ATM: variants seen among roughly 807,000 people sequenced by gnomAD.
ATM encodes the protein serine-protein kinase ATM.
A neutral mutation model predicts 387.0 loss-of-function variants in ATM; 308 were observed. The observed-to-expected ratio is 0.80, with a 90% confidence interval of 0.73 to 0.87. ATM has a LOEUF of 0.87. ATM is among the 40% of genes least tolerant of loss of function. ATM has a pLI of 0.00. For missense variants in ATM, 3,312 were observed against 3,560.9 expected (o/e 0.93, Z 1.78); for synonymous variants, 1,156 against 1,187.3 (o/e 0.97, Z 0.54).
At chr11:108,257,373 A>T in intron 14 of ATM, 108 bp from the exon 15 acceptor site, 2 of 1,321,722 alleles carry the variant, frequency 1.5e-6, no homozygotes, top group Non-Finnish European at 1.0e-6. Flanking sequence ...TCTTAAGTGC[A>T]CTTTATTTTT....
At chr11:108,330,480 C>G (rs2136469875) in intron 50 of ATM, 59 bp downstream of exon 50, 6 of 1,544,432 alleles carry the variant, frequency 3.9e-6, no homozygotes, top group Non-Finnish European at 5.4e-6. Context: ...ACATAAGCCC[C>G]TTGATGTCAG....
At chr11:108,237,982 A>G (rs540589804) in intron 5 of ATM, among the ~76,000 whole-genome samples, 8 of 138,716 alleles carry the variant, frequency 5.8e-5, no homozygotes, top group African/African-American at 2.2e-4. Context: ...GCTGGAGTGC[A>G]GTGGCACGAT....
intron 27 of ATM, 32 bp from the exon 28 acceptor site, chr11:108,288,945 G>A (rs375892122): frequency 4.3e-6 from 7 of 1,612,676 alleles, no homozygotes; most frequent in African/African-American, 1.3e-5. Context: ...TTTTTAAAAC[G>A]ATGACTGTAT....
intron 4 of ATM, chr11:108,229,741 G>A (rs2078919615): frequency 5.6e-6 from 1 of 179,518 alleles, no homozygotes; most frequent in South Asian, 1.2e-4. Context: ...GTGCAATGGT[G>A]TGATGATAGC....
chr11:108,343,227 TC>T lies in ATM; in HGVS notation c.8278del (p.Leu2760SerfsTer46), dbSNP rs1486627670. The T allele has an allele frequency of 6.2e-7, 1 of 1,613,992 alleles. No homozygotes were observed. The highest frequency in any genetic ancestry group is 1.3e-5 in the African/African-American group (1 of 75,026). On this transcript the variant is annotated frameshift_variant, in exon 57 of 63. Transcript: ENST00000675843. LOFTEE classifies it high-confidence loss of function. ...KLTICTYKVV[P>X]LSQRSGVLEW... ...TATTTAATCTGTAACTCCAGGTGGT[TC>T]CCCTCTCTCAGCGAAGTGGTGTTCT...
intron 5 of ATM, among the ~76,000 whole-genome samples, chr11:108,240,116 A>G (rs1332620282): frequency 2.6e-5 from 4 of 152,222 alleles, no homozygotes; most frequent in Non-Finnish European, 4.4e-5. Context: ...ATTATTATCC[A>G]GAGTCCAAGG....
Position 108,367,324 on chromosome 11 carries a change from T to C in ATM, c.*1816T>C, listed in dbSNP as rs1398748041. On this transcript the variant is annotated 3_prime_UTR_variant, in exon 63 of 63. Transcript: ENST00000675843. ...TTTTTGACCGTAAGGATTTCCCCTT[T>C]CTTGTAAGTTCTGCTATGTATTTAA... The C allele has an allele frequency of 1.1e-5, 2 of 183,604 alleles. No homozygotes were observed. Among genetic ancestry groups the C allele is most frequent in the African/African-American group, 4.7e-5 (2 of 42,526 alleles). 11.4% of individuals were successfully genotyped at this position (183,604 alleles called of 1,614,324 possible).
At position 108,223,130 on chromosome 11, in the gene ATM, G is replaced by C. The variant is rs2078569936; in HGVS notation, c.-87G>C. Reference sequence around the variant, plus strand: ...CGCGGGAGGAGGCGAGAGGAGTCGGGATCTGCGCTGCAGCCACCGCCGCGG... The same window carrying C: ...CGCGGGAGGAGGCGAGAGGAGTCGGCATCTGCGCTGCAGCCACCGCCGCGG... On this transcript the variant is annotated 5_prime_UTR_variant, in exon 1 of 63. Coordinates refer to ENST00000675843, the MANE Select transcript of ATM (RefSeq NM_000051.4). 1.1e-5 allele frequency: 2 copies of C among 182,114 alleles called. No homozygotes were observed. The highest frequency in any genetic ancestry group is 1.2e-5 in the Non-Finnish European group (1 of 84,486). 11.3% of individuals were successfully genotyped at this position (182,114 alleles called of 1,614,324 possible). A position where few individuals can be genotyped will look rare whatever the true frequency, so the allele number is the denominator to read the frequency against.
At chr11:108,361,129 C>T (rs2090693441) in intron 61 of ATM, among the ~76,000 whole-genome samples, 1 of 135,676 alleles carries the variant, frequency 7.4e-6, no homozygotes, top group Admixed American at 7.9e-5. Flanking sequence ...GTACAAAAAT[C>T]ACAAGCATTC....
chr11:108,259,501 T>TA (rs1236640655), intron 16 of ATM, among the ~76,000 whole-genome samples: 1 of 152,052 alleles, frequency 6.6e-6, no homozygotes, highest in Admixed American at 6.6e-5. Context: ...TAAAAAAATT[T>TA]AAAAAATTAA....
At chr11:108,268,032 A>G (rs2081359237) in intron 17 of ATM, among the ~76,000 whole-genome samples, 1 of 152,142 alleles carries the variant, frequency 6.6e-6, no homozygotes, top group East Asian at 1.9e-4. Flanking sequence ...AATTATAAGT[A>G]TTTTTCCAGG....
rs1160368977 is a variant in ATM at position 108,257,403 on chromosome 11, G to C, written c.2251-78G>C. The C allele has an allele frequency of 3.2e-6, 5 of 1,542,434 alleles. No individual in the cohort carries two copies. In the East Asian group the frequency reaches 9.1e-5, roughly 28 times the overall value. On this transcript the variant is annotated intron_variant, in intron 14 of 62. Coordinates refer to ENST00000675843, the MANE Select transcript of ATM (RefSeq NM_000051.4). ...ATTTTTTATTTTATAGTATGTCCAA[G>C]ATCAAAGTACACTGTAAAAAGCAAT...
intron 59 of ATM, 25 bp from the exon 60 acceptor site, chr11:108,353,741 A>C: frequency 6.4e-7 from 1 of 1,555,714 alleles, no homozygotes; most frequent in Non-Finnish European, 8.9e-7. Context: ...CAAACCTCCT[A>C]ACTTCACTGT....
At chr11:108,264,224 A>C (rs887049661) in intron 16 of ATM, among the ~76,000 whole-genome samples, 1 of 152,030 alleles carries the variant, frequency 6.6e-6, no homozygotes, top group Non-Finnish European at 1.5e-5. Context: ...TTGATGCAAA[A>C]ATCCTCAATA....
chr11:108,310,449 G>A (rs2084054677), intron 39 of ATM, 134 bp downstream of exon 39: 20 of 819,428 alleles, frequency 2.4e-5, no homozygotes, highest in African/African-American at 2.4e-4. Flanking sequence ...GTTTTAAAGT[G>A]AAATTATAAT....
intron 15 of ATM, among the ~76,000 whole-genome samples, chr11:108,258,430 C>T (rs770067462): frequency 1.6e-4 from 25 of 152,134 alleles, no homozygotes; most frequent in Non-Finnish European, 2.8e-4. Flanking sequence ...ATGTGGTATG[C>T]GTAGCGGGGC....
At chr11:108,344,188 T>A (rs184836678) in intron 57 of ATM, among the ~76,000 whole-genome samples, 12 of 152,304 alleles carry the variant, frequency 7.9e-5, no homozygotes. Flanking sequence ...TGGAAGTCTG[T>A]ACAGGGCACA....
At chr11:108,341,638 C>T (rs1053944723) in intron 56 of ATM, among the ~76,000 whole-genome samples, 2 of 151,932 alleles carry the variant, frequency 1.3e-5, no homozygotes, top group Non-Finnish European at 1.5e-5. Context: ...ACCATAAGGA[C>T]GAGTGACCAG....
chr11:108,315,766 AAATTT>A lies in ATM; in HGVS notation c.6007-55_6007-51del, dbSNP rs2084573595. On this transcript the variant is annotated intron_variant, in intron 40 of 62. Transcript: ENST00000675843. ...GTAATGATACAATTTAAAATTTGCTAAATTTATAGACCGATTTTTTTTCCTTCTTC... is the reference window on the plus strand; with the variant it reads ...GTAATGATACAATTTAAAATTTGCTAATAGACCGATTTTTTTTCCTTCTTC... 1.7e-5 allele frequency: 24 copies of A among 1,417,146 alleles called. 1 individual carries two copies. In the South Asian group the frequency reaches 2.8e-4, roughly 17 times the overall value. The allele number at this position is 1,417,146 out of a possible 1,614,324, so 87.8% of individuals were successfully genotyped here. A position where few individuals can be genotyped will look rare whatever the true frequency, so the allele number is the denominator to read the frequency against.
Sources: gnomAD v4.1 joint callset for allele counts (sites outside exome capture counted in the v4.1 genomes callset) on GRCh38, gnomAD v4.1.1 for gene constraint, MANE v1.5 for transcripts, NCBI Gene and HGNC (gene_info 2026-07-23, HGNC 2026-07-21) for gene names.